The following NAV1 variants were observed in gnomAD, a reference collection of about 807,000 sequenced individuals.
The protein encoded by NAV1 is neuron navigator 1, also known as pore membrane and/or filament interacting like protein 3.
A neutral mutation model predicts 175.2 loss-of-function variants in NAV1; 18 were observed. The observed-to-expected ratio is 0.10, with a 90% CI of 0.07 to 0.15. The LOEUF (loss-of-function observed/expected upper bound fraction) is 0.15. Ranked by LOEUF, NAV1 falls within the 10% of genes least tolerant of loss-of-function variation. The probability of loss-of-function intolerance (pLI) is 1.00; values close to 1 mark genes in which losing one functional copy is unlikely to be tolerated. For missense variants in NAV1, 1,731 were observed against 2,436.6 expected, an observed-to-expected ratio of 0.71 and a Z score of 6.10; for synonymous variants, 897 against 978.7, an observed-to-expected ratio of 0.92 and a Z score of 1.56.
intron 1 of NAV1, among the ~76,000 whole-genome samples, chr1:201,582,393 A>G (rs1344595345): frequency 1.3e-5 from 2 of 152,232 alleles, no homozygotes; most frequent in Admixed American, 6.5e-5. Flanking sequence ...CAGGACCAGT[A>G]TGGGAAGGGC....
chr1:201,799,628 G>A (rs1226900326), intron 15 of NAV1, among the ~76,000 whole-genome samples: 1 of 152,218 alleles, frequency 6.6e-6, no homozygotes, highest in Non-Finnish European at 1.5e-5. Flanking sequence ...GGGAGGCCAT[G>A]GCGGGTGAAT....
At chr1:201,643,313 TTC>T (rs1027556343), upstream of NAV1, among the ~76,000 whole-genome samples, 9 of 146,900 alleles carry the variant, frequency 6.1e-5, no homozygotes, top group Non-Finnish European at 1.2e-4. Context: ...TTCTTTTTCT[TTC>T]TTTCTTTCTT....
rs1321131812 is a variant in NAV1 at position 201,648,629 on chromosome 1, T to C, written c.-40T>C. On this transcript the variant is annotated 5_prime_UTR_variant, in exon 1 of 30. Coordinates refer to ENST00000367296, the Ensembl canonical transcript of NAV1. The stretch of plus-strand genomic sequence containing the variant: ...GCCCCCTGCCCCCTCCCCCCGTGCC[T>C]GCAGACGCGCGGATCGTCCATGCGC... 1 of 1,287,064 alleles carries C rather than the reference T, an allele frequency of 7.8e-7. No homozygotes were observed. The highest frequency in any genetic ancestry group is 9.8e-7 in the Non-Finnish European group (1 of 1,021,992). The allele number at this position is 1,287,064 out of a possible 1,614,324, so 79.7% of individuals were successfully genotyped here.
intron 1 of NAV1, among the ~76,000 whole-genome samples, chr1:201,652,048 G>A (rs1381429849): frequency 6.6e-6 from 1 of 152,094 alleles, no homozygotes; most frequent in Non-Finnish European, 1.5e-5. Flanking sequence ...CAGAGCCAAT[G>A]ATGGTGGTGT....
At position 201,552,755 on chromosome 1, in the gene NAV1, G is replaced by T. The variant is rs1018079979; in HGVS notation, c.-144+13413G>T. ...GTATAAAATAAATCCTTGATCCACCGAACGTACACCGGACAGGCAAAGGGA... is the reference window on the plus strand; with the variant it reads ...GTATAAAATAAATCCTTGATCCACCTAACGTACACCGGACAGGCAAAGGGA... On this transcript the variant is annotated intron_variant, in intron 1 of 33. Coordinates refer to the NAV1 transcript ENST00000685211. 2.6e-5 allele frequency among the ~76,000 whole-genome samples: 4 copies of T among 152,124 alleles called. No homozygotes were observed. In the East Asian group the frequency reaches 7.7e-4, roughly 29 times the overall value.
chr1:201,654,119 G>A (rs928248470), intron 1 of NAV1, among the ~76,000 whole-genome samples: 6 of 152,180 alleles, frequency 3.9e-5, no homozygotes, highest in Non-Finnish European at 8.8e-5. Flanking sequence ...CCTAGGGGCA[G>A]TTCCTCTGCC....
Position 201,782,041 on chromosome 1 carries a change from T to C in NAV1, c.1664-135T>C, listed in dbSNP as rs1183103657. ...ACTTTATCAGCTTATCTTGTACCTGTTTACCCAAATTTAGGCCTCTAAAAG... is the reference window on the plus strand; with the variant it reads ...ACTTTATCAGCTTATCTTGTACCTGCTTACCCAAATTTAGGCCTCTAAAAG... On this transcript the variant is annotated intron_variant, in intron 5 of 29. Coordinates refer to ENST00000367296, the Ensembl canonical transcript of NAV1. The surrounding 1 kb of genome is among the most constrained non-coding windows in gnomAD (Gnocchi z 5.4). 1 of 728,056 alleles carries C rather than the reference T, an allele frequency of 1.4e-6. No homozygotes were observed. Among genetic ancestry groups the C allele is most frequent in the African/African-American group, 1.8e-5 (1 of 56,328 alleles). The allele number at this position is 728,056 out of a possible 1,614,324, so 45.1% of individuals were successfully genotyped here.
At chr1:201,699,634 A>T (rs1314782160) in intron 1 of NAV1, among the ~76,000 whole-genome samples, 2 of 152,208 alleles carry the variant, frequency 1.3e-5, no homozygotes, top group Admixed American at 1.3e-4. Context: ...CATTGCCAAG[A>T]CAATCCTAAG....
At chr1:201,690,574 C>G (rs947277779) in intron 1 of NAV1, among the ~76,000 whole-genome samples, 5 of 146,794 alleles carry the variant, frequency 3.4e-5, no homozygotes, top group Middle Eastern at 4.0e-3. Flanking sequence ...CATGGCCTGT[C>G]TGTGGCAGTG....
At chr1:201,670,078 A>G (rs755080701) in intron 1 of NAV1, among the ~76,000 whole-genome samples, 14 of 152,022 alleles carry the variant, frequency 9.2e-5, no homozygotes, top group Non-Finnish European at 1.9e-4. Flanking sequence ...TTAGTTTTCT[A>G]ATAGGGATAC....
intron 2 of NAV1, among the ~76,000 whole-genome samples, chr1:201,714,245 G>A (rs1035359991): frequency 6.6e-6 from 1 of 152,174 alleles, no homozygotes; most frequent in African/African-American, 2.4e-5. Context: ...GGTGCATTGT[G>A]GGATTGCAGC....
chr1:201,663,896 G>A (rs942593287), intron 1 of NAV1, among the ~76,000 whole-genome samples: 2 of 152,176 alleles, frequency 1.3e-5, no homozygotes, highest in Admixed American at 6.5e-5. Context: ...CCTGGGGCAG[G>A]GGGTGGATTC....
intron 2 of NAV1, among the ~76,000 whole-genome samples, chr1:201,604,859 G>A (rs955455622): frequency 6.6e-6 from 1 of 152,250 alleles, no homozygotes; most frequent in Middle Eastern, 3.4e-3. Flanking sequence ...CATCGAGGAA[G>A]GGGTGGAGTG....
rs984452736 is a variant in NAV1, at chr1:201,740,943, A to G, written c.1226+22188A>G. Among the ~76,000 whole-genome samples, 6 of 151,992 alleles carry G rather than the reference A, an allele frequency of 3.9e-5. No homozygotes were observed. Among genetic ancestry groups the G allele is most frequent in the African/African-American group, 1.5e-4 (6 of 41,378 alleles). ...GCGGGGTGGGCAGGGGAGGCTTCCC[A>G]TCTCACTATTCTCACCCCATATACA... On this transcript the variant is annotated intron_variant, in intron 3 of 29. Transcript: ENST00000367296. This position sits in a 1 kb window ranked among gnomAD's most constrained non-coding sequence, Gnocchi z 4.7.
At chr1:201,607,589 T>G (rs1667720011) in intron 2 of NAV1, among the ~76,000 whole-genome samples, 1 of 152,028 alleles carries the variant, frequency 6.6e-6, no homozygotes, top group African/African-American at 2.4e-5. Context: ...CCTCCCAGGT[T>G]CAAGCAATTC....
intron 3 of NAV1, among the ~76,000 whole-genome samples, chr1:201,734,493 G>GAGGAGAAGAAGAAGA (rs1553261646): frequency 8.4e-5 from 6 of 71,624 alleles, no homozygotes; most frequent in African/African-American, 3.6e-4. Flanking sequence ...GAGGAAGAAG[G>GAGGAGAAGAAGAAGA]AGAAGGAGAA....
intron 3 of NAV1, among the ~76,000 whole-genome samples, chr1:201,775,142 AG>A (rs943693317): frequency 6.6e-6 from 1 of 152,182 alleles, no homozygotes; most frequent in Non-Finnish European, 1.5e-5. Context: ...CTGCTCCCAA[AG>A]GGGGAGCCCT....
chr1:201,544,460 A>T (rs1376839077), intron 1 of NAV1, among the ~76,000 whole-genome samples: 2 of 152,334 alleles, frequency 1.3e-5, no homozygotes, highest in Middle Eastern at 3.4e-3. Context: ...CTTAAGTGTC[A>T]TGTAGCTTTT....
chr1:201,699,366 A>G (rs1671317433), intron 1 of NAV1, among the ~76,000 whole-genome samples: 1 of 152,208 alleles, frequency 6.6e-6, no homozygotes, highest in African/African-American at 2.4e-5. Context: ...TAAAATACCT[A>G]GGAATCCAAC....
Sources: allele counts gnomAD v4.1 joint callset (sites outside exome capture counted in the v4.1 genomes callset), GRCh38; gene constraint gnomAD v4.1.1; non-coding constraint Gnocchi (gnomAD v3.1); transcripts MANE v1.5; gene names NCBI Gene and HGNC (gene_info 2026-07-23, HGNC 2026-07-21).